The following SUGCT variants were observed in gnomAD, a reference collection of about 807,000 sequenced individuals.
SUGCT encodes succinyl-CoA:glutarate-CoA transferase.
In SUGCT, 41 loss-of-function variants were observed where a neutral mutation model predicts 55.0. The observed-to-expected ratio is 0.74, with a 90% CI of 0.58 to 0.97. The LOEUF (loss-of-function observed/expected upper bound fraction) is 0.97, where lower values mean the gene tolerates loss of function less well. Among genes scored for constraint, SUGCT ranks in the 50% least tolerant of loss-of-function variants. The probability of loss-of-function intolerance (pLI) is 0.00; values close to 1 mark genes in which losing one functional copy is unlikely to be tolerated. For synonymous variants in SUGCT, 187 were observed against 200.4 expected (o/e 0.93, Z 0.56); for missense variants, 568 against 547.8 (o/e 1.04, Z -0.37).
intron 7 of SUGCT, among the ~76,000 whole-genome samples, chr7:40,272,928 G>A (rs1303406362): frequency 6.6e-6 from 1 of 151,890 alleles, no homozygotes; most frequent in Non-Finnish European, 1.5e-5. Flanking sequence ...CCAAAGTGCT[G>A]AGATTACAGG....
chr7:40,448,634 C>A, intron 9 of SUGCT, among the ~76,000 whole-genome samples: 1 of 151,906 alleles, frequency 6.6e-6, no homozygotes, highest in East Asian at 1.9e-4. Flanking sequence ...GATCTCGAGC[C>A]CAGGGGTTTA....
intron 7 of SUGCT, among the ~76,000 whole-genome samples, chr7:40,248,886 T>TCACACA (rs1554296234): frequency 7.5e-4 from 83 of 111,062 alleles, no homozygotes; most frequent in African/African-American, 1.4e-3. Context: ...GCGCGCGCGC[T>TCACACA]CGCACACACA....
At chr7:40,322,142 C>A (rs1241211605) in intron 9 of SUGCT, among the ~76,000 whole-genome samples, 2 of 152,134 alleles carry the variant, frequency 1.3e-5, no homozygotes, top group African/African-American at 2.4e-5. Flanking sequence ...TGTACCCAGT[C>A]TTACAACAGG....
intron 12 of SUGCT, among the ~76,000 whole-genome samples, chr7:40,566,016 C>T (rs1157805928): frequency 6.7e-6 from 1 of 149,090 alleles, no homozygotes; most frequent in Non-Finnish European, 1.5e-5. Flanking sequence ...CACACACACA[C>T]ACACACACGA....
intron 9 of SUGCT, among the ~76,000 whole-genome samples, chr7:40,379,385 A>G (rs1784762169): frequency 6.6e-6 from 1 of 152,164 alleles, no homozygotes; most frequent in South Asian, 2.1e-4. Flanking sequence ...GACAATTTCT[A>G]TTGACTACTT....
the SUGCT span, among the ~76,000 whole-genome samples, chr7:40,980,402 G>A: frequency 2.6e-5 from 4 of 152,066 alleles, no homozygotes; most frequent in African/African-American, 9.7e-5. Flanking sequence ...CATACAAAAT[G>A]TATTAATTCC....
intron 6 of SUGCT, among the ~76,000 whole-genome samples, chr7:40,195,782 T>C (rs566103182): frequency 6.8e-6 from 1 of 147,018 alleles, no homozygotes; most frequent in South Asian, 2.3e-4. Flanking sequence ...TGGCATGATC[T>C]CGGCTCACTG....
chr7:40,343,883 C>T (rs1797179402), intron 9 of SUGCT, among the ~76,000 whole-genome samples: 1 of 152,164 alleles, frequency 6.6e-6, no homozygotes, highest in Non-Finnish European at 1.5e-5. Context: ...GTCTCGATCT[C>T]CTGACCTCGT....
At chr7:40,725,307 T>C (rs1786555937) in intron 12 of SUGCT, among the ~76,000 whole-genome samples, 1 of 152,208 alleles carries the variant, frequency 6.6e-6, no homozygotes, top group Non-Finnish European at 1.5e-5. Flanking sequence ...TTATTTTGAA[T>C]GAATAAATGA....
At chr7:40,445,317 T>A (rs899205620) in intron 9 of SUGCT, among the ~76,000 whole-genome samples, 7 of 151,982 alleles carry the variant, frequency 4.6e-5, no homozygotes, top group African/African-American at 1.7e-4. Flanking sequence ...AAAGGGGATA[T>A]CACCACTGAT....
intron 12 of SUGCT, among the ~76,000 whole-genome samples, chr7:40,717,924 CTCT>C (rs990610429): frequency 1.9e-4 from 20 of 103,610 alleles, no homozygotes; most frequent in African/African-American, 3.9e-4. Context: ...GTATATTCTC[CTCT>C]TCTTCTTTAT....
intron 12 of SUGCT, among the ~76,000 whole-genome samples, chr7:40,648,443 CT>C (rs1390007749): frequency 2.0e-5 from 3 of 151,930 alleles, no homozygotes; most frequent in Non-Finnish European, 4.4e-5. Flanking sequence ...AGGTATATAC[CT>C]TTTGAACACA....
At chr7:40,588,045 G>T (rs1293537178) in intron 12 of SUGCT, among the ~76,000 whole-genome samples, 2 of 151,652 alleles carry the variant, frequency 1.3e-5, no homozygotes. Context: ...TGGAATTACA[G>T]GCGTGTGCCA....
chr7:40,799,853 A>G (rs922205524), intron 13 of SUGCT, among the ~76,000 whole-genome samples: 1 of 152,214 alleles, frequency 6.6e-6, no homozygotes, highest in Non-Finnish European at 1.5e-5. Context: ...GAATACCTAC[A>G]GTGAAAAAGT....
intron 9 of SUGCT, among the ~76,000 whole-genome samples, chr7:40,364,119 C>A (rs1332659025): frequency 1.7e-3 from 261 of 150,398 alleles, no homozygotes; most frequent in African/African-American, 5.3e-3. Flanking sequence ...CTGTTTTATC[C>A]GAGACTAGGA....
At chr7:40,156,123 T>C (rs1319948510) in intron 1 of SUGCT, among the ~76,000 whole-genome samples, 1 of 152,076 alleles carries the variant, frequency 6.6e-6, no homozygotes, top group Non-Finnish European at 1.5e-5. Flanking sequence ...TACCAAAGTG[T>C]TGGGATTACA....
intron 13 of SUGCT, among the ~76,000 whole-genome samples, chr7:40,846,374 G>GAA (rs3052686): frequency 1.3e-4 from 19 of 141,400 alleles, no homozygotes; most frequent in African/African-American, 4.1e-4. Context: ...ACTAGTGTTG[G>GAA]AAAAAAAAAA....
chr7:40,266,960 G>C (rs1296685229), intron 7 of SUGCT, among the ~76,000 whole-genome samples: 2 of 151,312 alleles, frequency 1.3e-5, no homozygotes, highest in African/African-American at 4.9e-5. Flanking sequence ...AGGTTGCAGA[G>C]AGCTGAGATC....
intron 9 of SUGCT, among the ~76,000 whole-genome samples, chr7:40,351,682 AC>A: frequency 6.6e-6 from 1 of 152,216 alleles, no homozygotes; most frequent in East Asian, 1.9e-4. Flanking sequence ...CTCTTCAATG[AC>A]TAGCTGACAT....
Sources: gnomAD v4.1 joint callset for allele counts (sites outside exome capture counted in the v4.1 genomes callset) on GRCh38, gnomAD v4.1.1 for gene constraint, MANE v1.5 for transcripts, NCBI Gene and HGNC (gene_info 2026-07-23, HGNC 2026-07-21) for gene names.